Variants in PDS5B observed in about 807,000 individuals in gnomAD.
PDS5B encodes sister chromatid cohesion protein PDS5 homolog B.
Under a neutral mutation model 184.1 loss-of-function variants are expected in PDS5B, and 51 were observed. The observed-to-expected ratio is 0.28, with a 90% CI of 0.22 to 0.35. PDS5B has a LOEUF of 0.35. PDS5B is among the 10% of genes least tolerant of loss of function. The pLI, the probability that PDS5B is intolerant of heterozygous loss-of-function variation, is 1.00. For missense variants in PDS5B, 1,180 were observed against 1,723.3 expected (o/e 0.68, Z 5.58); for synonymous variants, 566 against 569.2 (o/e 0.99, Z 0.08).
chr13:32,679,081 T>G (rs1328056789), intron 10 of PDS5B, 152 bp downstream of exon 10: 7 of 242,272 alleles, frequency 2.9e-5, no homozygotes, highest in Non-Finnish European at 5.2e-5. Context: ...TGAAGCTAGA[T>G]TTTTTTTTTT....
At chr13:32,767,047 C>A (rs1954608232) in intron 31 of PDS5B, among the ~76,000 whole-genome samples, 1 of 152,026 alleles carries the variant, frequency 6.6e-6, no homozygotes, top group African/African-American at 2.4e-5. Context: ...CAAACTAAAT[C>A]CAGTCATGTA....
chr13:32,685,764 T>C (rs1951368671), intron 11 of PDS5B, among the ~76,000 whole-genome samples: 1 of 152,112 alleles, frequency 6.6e-6, no homozygotes, highest in Non-Finnish European at 1.5e-5. Flanking sequence ...CACCTCAGCC[T>C]CCTGAGTAGG....
At chr13:32,591,013 C>T (rs1464317069) in intron 1 of PDS5B, among the ~76,000 whole-genome samples, 1 of 151,536 alleles carries the variant, frequency 6.6e-6, no homozygotes, top group Non-Finnish European at 1.5e-5. Context: ...CTTTTTTCCT[C>T]CCCCCACAGG....
At chr13:32,759,773 C>A in intron 29 of PDS5B, 83 bp downstream of exon 29, 1 of 634,938 alleles carries the variant, frequency 1.6e-6, no homozygotes, top group Non-Finnish European at 2.7e-6. Flanking sequence ...TTTTGTATTT[C>A]TTCAAAAATT....
chr13:32,694,444 ACT>A, intron 14 of PDS5B, 140 bp downstream of exon 14: 3 of 639,468 alleles, frequency 4.7e-6, no homozygotes, highest in South Asian at 3.5e-5. Context: ...TGTTTAGAAA[ACT>A]CTGAATTTTT....
chr13:32,656,894 C>T (rs1181482862), intron 3 of PDS5B, among the ~76,000 whole-genome samples: 2 of 152,166 alleles, frequency 1.3e-5, no homozygotes, highest in African/African-American at 2.4e-5. Context: ...CTGTGCCTGG[C>T]TGGTATTCTG....
At position 32,753,673 on chromosome 13, in the gene PDS5B, C is replaced by T. The variant is rs139602926; in HGVS notation, c.2941+137C>T. On this transcript the variant is annotated intron_variant, in intron 25 of 34. Transcript: ENST00000315596. ...TTTTATTACCATTTTTCAATAACTG[C>T]TTTTCATTTAATATGAAGGTCATTT... is the stretch of plus-strand genomic sequence containing the variant. 2.3e-3 allele frequency: 1,345 copies of T among 579,646 alleles called. 23 individuals carry two copies. Among genetic ancestry groups the T allele is most frequent in the African/African-American group, 0.023 (1,232 of 54,144 alleles). The allele number at this position is 579,646 out of a possible 1,614,324, so 35.9% of individuals were successfully genotyped here. A position where few individuals can be genotyped will look rare whatever the true frequency, so the allele number is the denominator to read the frequency against.
chr13:32,772,006 CT>C (rs575681837), intron 33 of PDS5B, among the ~76,000 whole-genome samples: 18 of 151,340 alleles, frequency 1.2e-4, no homozygotes, highest in Non-Finnish European at 2.1e-4. Context: ...GCCTATCTTC[CT>C]TTCACTGGGA....
At chr13:32,616,611 A>G (rs1012895750) in intron 1 of PDS5B, among the ~76,000 whole-genome samples, 1 of 152,152 alleles carries the variant, frequency 6.6e-6, no homozygotes, top group African/African-American at 2.4e-5. Context: ...CCATTGTCTG[A>G]TTTCTAATCC....
At chr13:32,720,870 ATCTGTT>A (rs1350568815) in intron 19 of PDS5B, among the ~76,000 whole-genome samples, 1 of 152,088 alleles carries the variant, frequency 6.6e-6, no homozygotes, top group Non-Finnish European at 1.5e-5. Context: ...GCCTTCAAGC[ATCTGTT>A]TAACAAAGCA....
intron 1 of PDS5B, among the ~76,000 whole-genome samples, chr13:32,592,391 G>C (rs542103514): frequency 6.6e-6 from 1 of 152,036 alleles, no homozygotes; most frequent in African/African-American, 2.4e-5. Context: ...GAGTAGCTGG[G>C]ACTACAGGTG....
At chr13:32,768,307 G>T (rs1230834839) in intron 31 of PDS5B, among the ~76,000 whole-genome samples, 1 of 152,084 alleles carries the variant, frequency 6.6e-6, no homozygotes, top group Non-Finnish European at 1.5e-5. Context: ...GAAGAAGAAA[G>T]GCACCCAAGC....
At chr13:32,636,941 G>A (rs2058571765) in intron 1 of PDS5B, among the ~76,000 whole-genome samples, 1 of 152,204 alleles carries the variant, frequency 6.6e-6, no homozygotes, top group Non-Finnish European at 1.5e-5. Flanking sequence ...GAGGGCTAGA[G>A]AAGAGAAAAA....
At chr13:32,606,785 AC>A (rs2058066919) in intron 1 of PDS5B, among the ~76,000 whole-genome samples, 1 of 151,756 alleles carries the variant, frequency 6.6e-6, no homozygotes, top group African/African-American at 2.4e-5. Flanking sequence ...TTTCCTCTAA[AC>A]TTCTCTTCTT....
chr13:32,753,864 A>T (rs7331632), intron 25 of PDS5B, among the ~76,000 whole-genome samples: 58,876 of 151,902 alleles, frequency 0.39, 11,920 homozygotes, highest in Non-Finnish European at 0.45. Context: ...AAAGTACAAG[A>T]CTTTGATCTT....
At chr13:32,617,107 C>T (rs1001169950) in intron 1 of PDS5B, among the ~76,000 whole-genome samples, 3 of 152,192 alleles carry the variant, frequency 2.0e-5, no homozygotes, top group Non-Finnish European at 2.9e-5. Flanking sequence ...TATTATGTGT[C>T]TCATCCAAAA....
chr13:32,773,296 CAGA>C lies in PDS5B; in HGVS notation c.4281_4283del (p.Glu1431del), dbSNP rs1398259726. On this transcript the variant is annotated inframe_deletion, in exon 34 of 35. Transcript: ENST00000315596. ...GTCGATGATATTCCACAGGAAGAAA[CAGA>C]GGAGGAGGAAGTTTCTACAGTAAAT... The C allele has an allele frequency of 1.2e-6, 2 of 1,612,662 alleles. No homozygotes were observed.
intron 30 of PDS5B, among the ~76,000 whole-genome samples, chr13:32,761,020 A>T (rs1235641627): frequency 6.6e-6 from 1 of 152,228 alleles, no homozygotes; most frequent in East Asian, 1.9e-4. Flanking sequence ...GGTGTATGAT[A>T]CAATGGAATA....
intron 1 of PDS5B, among the ~76,000 whole-genome samples, chr13:32,611,795 C>T (rs1430744155): frequency 6.6e-6 from 1 of 151,980 alleles, no homozygotes; most frequent in South Asian, 2.1e-4. Context: ...AAGCATGAGC[C>T]ACGGTGCCTG....
Sources: allele counts gnomAD v4.1 joint callset (sites outside exome capture counted in the v4.1 genomes callset), GRCh38; gene constraint gnomAD v4.1.1; transcripts MANE v1.5; gene names NCBI Gene and HGNC (gene_info 2026-07-23, HGNC 2026-07-21).